The following AFF1 variants were observed in gnomAD, a reference collection of about 807,000 sequenced individuals.
AFF1 encodes ALF transcription elongation factor 1.
AFF1 carries 48 observed loss-of-function variants against 121.7 expected under a neutral mutation model. The ratio of observed to expected loss-of-function variants is 0.39; its 90% CI spans 0.31 to 0.50. AFF1 has a LOEUF of 0.50. Ranked by LOEUF, AFF1 falls within the 20% of genes least tolerant of loss-of-function variation. The pLI is 0.76. For synonymous variants in AFF1, 613 were observed against 563.0 expected (o/e 1.09, Z -1.26); for missense variants, 1,523 against 1,511.7 (o/e 1.01, Z -0.12).
intron 4 of AFF1, among the ~76,000 whole-genome samples, chr4:87,075,464 A>G (rs1722558660): frequency 6.6e-6 from 1 of 152,212 alleles, no homozygotes; most frequent in Non-Finnish European, 1.5e-5. Flanking sequence ...GTGCCAGCAC[A>G]TCTCTAACAT....
At chr4:87,004,261 G>A (rs1300308653) in intron 2 of AFF1, among the ~76,000 whole-genome samples, 1 of 151,970 alleles carries the variant, frequency 6.6e-6, no homozygotes, top group Non-Finnish European at 1.5e-5. Context: ...GAGAGGTGAG[G>A]GAGACATGGA....
At chr4:86,948,651 T>C in intron 2 of AFF1, 80 bp downstream of exon 2, 1 of 1,416,752 alleles carries the variant, frequency 7.1e-7, no homozygotes, top group South Asian at 1.3e-5. Flanking sequence ...GTTTGGTCTT[T>C]TTCAATTTTG....
At position 87,136,775 on chromosome 4, in the gene AFF1, A is replaced by G. The variant is rs374229679; in HGVS notation, c.*1074A>G. ...ATGAAATCTGCTTCTTAGAGAGGCT[A>G]TATTTTTCTGCTACAAATATTTTAT... is the stretch of plus-strand genomic sequence containing the variant. On this transcript the variant is annotated 3_prime_UTR_variant, in exon 21 of 21. Coordinates refer to ENST00000395146, the MANE Select transcript of AFF1 (RefSeq NM_001166693.3). The G allele has an allele frequency of 1.3e-5, 3 of 225,156 alleles. No individual in the cohort carries two copies. Among genetic ancestry groups the G allele is most frequent in the African/African-American group, 6.7e-5 (3 of 44,940 alleles). 13.9% of individuals were successfully genotyped at this position (225,156 alleles called of 1,614,324 possible).
At chr4:87,063,228 C>CTTTTTTTTTTT (rs569577993) in intron 4 of AFF1, among the ~76,000 whole-genome samples, 1,050 of 44,422 alleles carry the variant, frequency 0.024, 327 homozygotes, top group Non-Finnish European at 0.03. Flanking sequence ...AGATTCACCT[C>CTTTTTTTTTTT]TTTTTTTTTT....
At chr4:87,107,440 TTGTC>T (rs1459475021) in intron 10 of AFF1, among the ~76,000 whole-genome samples, 2 of 152,198 alleles carry the variant, frequency 1.3e-5, no homozygotes, top group African/African-American at 4.8e-5. Flanking sequence ...AATCTCTACT[TTGTC>T]TGACATTTGG....
chr4:87,059,900 T>C (rs1720556291), intron 4 of AFF1, among the ~76,000 whole-genome samples: 1 of 152,236 alleles, frequency 6.6e-6, no homozygotes. Context: ...CCTTTGTGTT[T>C]AGCACAGGTG....
intron 2 of AFF1, among the ~76,000 whole-genome samples, chr4:87,000,640 T>TGTGTGG (rs1407615567): frequency 3.4e-5 from 5 of 148,856 alleles, no homozygotes; most frequent in African/African-American, 1.0e-4. Context: ...TGTGTGTGTG[T>TGTGTGG]GGCAGAGGAA....
At chr4:86,935,600 G>C (rs1719911767) in intron 1 of AFF1, 1 of 152,186 alleles carries the variant, frequency 6.6e-6, no homozygotes, top group Non-Finnish European at 1.5e-5. Flanking sequence ...CCTGCTACTT[G>C]AGTTGCGTAA....
rs560934894 is a variant in AFF1, at chr4:87,061,976, G to GCATT, written c.1059+14398_1059+14401dup. Reference sequence around the variant, plus strand: ...ACAAGTCTTTAAATGTATGATTCAGGCATTCATTCATTCATTCATACGGAA... The same window carrying GCATT: ...ACAAGTCTTTAAATGTATGATTCAGGCATTCATTCATTCATTCATTCATACGGAA... On this transcript the variant is annotated intron_variant, in intron 4 of 20. Coordinates refer to ENST00000395146, the MANE Select transcript of AFF1 (RefSeq NM_001166693.3). Among the ~76,000 whole-genome samples the GCATT allele has an allele frequency of 5.9e-5, 9 of 152,192 alleles. No individual in the cohort carries two copies. In the South Asian group the frequency reaches 1.2e-3, roughly 21 times the overall value.
chr4:87,061,080 G>A (rs1384540997), intron 4 of AFF1, among the ~76,000 whole-genome samples: 1 of 152,088 alleles, frequency 6.6e-6, no homozygotes, highest in African/African-American at 2.4e-5. Flanking sequence ...ACCTAATTGA[G>A]TCTTTTATTA....
At chr4:86,994,635 A>C (rs75523788) in intron 2 of AFF1, among the ~76,000 whole-genome samples, 6,747 of 152,334 alleles carry the variant, frequency 0.044, 489 homozygotes, top group African/African-American at 0.15. Flanking sequence ...TCCATCCAGC[A>C]TCATGACTTG....
At chr4:87,122,678 A>G (rs949810677) in intron 12 of AFF1, among the ~76,000 whole-genome samples, 1 of 152,062 alleles carries the variant, frequency 6.6e-6, no homozygotes, top group Non-Finnish European at 1.5e-5. Context: ...ATATGTTTTT[A>G]TCTTATCTAA....
chr4:87,038,249 T>C (rs1428742522), intron 2 of AFF1, among the ~76,000 whole-genome samples: 3 of 152,202 alleles, frequency 2.0e-5, no homozygotes, highest in African/African-American at 7.2e-5. Flanking sequence ...CCTGGGACGA[T>C]TTAGCTGAGT....
chr4:87,060,868 CACAAAAAAA>C (rs1560586098), intron 4 of AFF1, among the ~76,000 whole-genome samples: 1 of 25,042 alleles, frequency 4.0e-5, no homozygotes, highest in African/African-American at 2.5e-4. Context: ...AAAAAAAAAA[CACAAAAAAA>C]CAACAACAAA....
chr4:86,949,880 C>A, intron 2 of AFF1: 1 of 1,613,956 alleles, frequency 6.2e-7, no homozygotes, highest in South Asian at 1.1e-5. Flanking sequence ...CAGGAAGAGC[C>A]ACGTGAAGGG....
chr4:87,070,242 T>G (rs1344527239), intron 4 of AFF1, among the ~76,000 whole-genome samples: 3 of 152,236 alleles, frequency 2.0e-5, no homozygotes, highest in African/African-American at 7.2e-5. Flanking sequence ...GACCTTGTGA[T>G]CCACCTGTCT....
At chr4:86,983,959 C>T (rs991692755) in intron 2 of AFF1, among the ~76,000 whole-genome samples, 1 of 151,752 alleles carries the variant, frequency 6.6e-6, no homozygotes, top group Non-Finnish European at 1.5e-5. Flanking sequence ...ATGGTGTGAA[C>T]CCGGGAGGTG....
chr4:86,955,745 A>C (rs754359635), intron 2 of AFF1, among the ~76,000 whole-genome samples: 1 of 152,200 alleles, frequency 6.6e-6, no homozygotes, highest in Non-Finnish European at 1.5e-5. Flanking sequence ...TCTGCCATTC[A>C]GAGTGGGTAC....
intron 2 of AFF1, among the ~76,000 whole-genome samples, chr4:87,001,341 C>T (rs529948714): frequency 2.0e-5 from 3 of 150,956 alleles, no homozygotes; most frequent in South Asian, 2.1e-4. Flanking sequence ...CTCAGCCTCC[C>T]GAGTAGCTGG....
Sources: gnomAD v4.1 joint callset for allele counts (sites outside exome capture counted in the v4.1 genomes callset) on GRCh38, gnomAD v4.1.1 for gene constraint, MANE v1.5 for transcripts, NCBI Gene and HGNC (gene_info 2026-07-23, HGNC 2026-07-21) for gene names.